Variants in EGFLAM observed in about 807,000 individuals in gnomAD.
EGFLAM encodes the protein EGF like, fibronectin type III and laminin G domains, also known as pikachurin.
Under a neutral mutation model 113.1 loss-of-function variants are expected in EGFLAM, and 79 were observed. That is an observed-to-expected ratio of 0.70 (90% confidence interval 0.58 to 0.84). EGFLAM has a LOEUF of 0.84. Ranked by LOEUF, EGFLAM falls within the 40% of genes least tolerant of loss-of-function variation. The pLI is 0.00. For synonymous variants in EGFLAM, 504 were observed against 487.6 expected (o/e 1.03, Z -0.44); for missense variants, 1,265 against 1,291.6 (o/e 0.98, Z 0.32).
At position 38,405,953 on chromosome 5, in the gene EGFLAM, C is replaced by CT. The variant is rs1741269786; in HGVS notation, c.713-166dup. The stretch of plus-strand genomic sequence containing the variant: ...TTCCTTAGTAACTTATGAGAGGAAA[C>CT]TTTTTTTATATCTTTTGGTCATTGA... On this transcript the variant is annotated intron_variant, in intron 6 of 21. Transcript: ENST00000322350. The CT allele has an allele frequency of 5.5e-5, 34 of 622,578 alleles. 3 individuals carry two copies. The South Asian group carries it at 6.2e-4, about 11-fold the overall frequency. The allele number at this position is 622,578 out of a possible 1,614,324, so 38.6% of individuals were successfully genotyped here.
intron 6 of EGFLAM, among the ~76,000 whole-genome samples, chr5:38,376,346 A>G (rs1368107110): frequency 1.3e-5 from 2 of 152,226 alleles, no homozygotes; most frequent in Non-Finnish European, 2.9e-5. Flanking sequence ...AAAATAAGTT[A>G]CATGTGTAAT....
At chr5:38,386,224 G>C (rs1298561778) in intron 6 of EGFLAM, among the ~76,000 whole-genome samples, 1 of 152,178 alleles carries the variant, frequency 6.6e-6, no homozygotes, top group Admixed American at 6.5e-5. Flanking sequence ...ATACTTTGTT[G>C]TTGTTGTTGT....
chr5:38,313,468 G>A (rs1738509098), intron 1 of EGFLAM, among the ~76,000 whole-genome samples: 1 of 152,084 alleles, frequency 6.6e-6, no homozygotes, highest in Admixed American at 6.5e-5. Context: ...AGATGAACAT[G>A]CTCGTGCATA....
chr5:38,367,861 G>C (rs1282637215), intron 5 of EGFLAM, among the ~76,000 whole-genome samples: 1 of 152,116 alleles, frequency 6.6e-6, no homozygotes, highest in Non-Finnish European at 1.5e-5. Context: ...AAATGTTAAA[G>C]GTTTTGAACA....
At chr5:38,418,045 G>A in intron 11 of EGFLAM, 21 bp from the exon 12 acceptor site, 1 of 1,602,096 alleles carries the variant, frequency 6.2e-7, no homozygotes, top group Non-Finnish European at 8.5e-7. Context: ...GAGTATTCAT[G>A]AGTGGTCATC....
chr5:38,292,643 T>G (rs1010914224), intron 1 of EGFLAM, among the ~76,000 whole-genome samples: 4 of 152,186 alleles, frequency 2.6e-5, no homozygotes, highest in Admixed American at 2.6e-4. Context: ...CCTGTACACA[T>G]AGAGGCAATT....
intron 6 of EGFLAM, chr5:38,403,988 C>T: frequency 6.2e-7 from 1 of 1,604,970 alleles, no homozygotes; most frequent in Non-Finnish European, 8.5e-7. Context: ...AGAACACCGC[C>T]TCCCCTTTGT....
intron 11 of EGFLAM, 62 bp from the exon 12 acceptor site, chr5:38,418,004 G>T: frequency 6.7e-7 from 1 of 1,497,376 alleles, no homozygotes; most frequent in Non-Finnish European, 9.1e-7. Context: ...TAAAAATCTG[G>T]TGTGTTTTGG....
chr5:38,326,365 G>A (rs1020208167), intron 1 of EGFLAM, among the ~76,000 whole-genome samples: 6 of 152,178 alleles, frequency 3.9e-5, no homozygotes, highest in African/African-American at 7.2e-5. Context: ...GCGAATGGCC[G>A]CCTGTTCTGT....
At chr5:38,375,594 A>C (rs574058404) in intron 6 of EGFLAM, among the ~76,000 whole-genome samples, 43 of 152,172 alleles carry the variant, frequency 2.8e-4, no homozygotes, top group Non-Finnish European at 5.4e-4. Context: ...AGCCCTACTA[A>C]CTGGGGAAGC....
At chr5:38,406,699 T>C in intron 7 of EGFLAM, 129 bp from the exon 8 acceptor site, 1 of 805,418 alleles carries the variant, frequency 1.2e-6, no homozygotes, top group Non-Finnish European at 2.0e-6. Context: ...CAGTGCTGTC[T>C]TCCCCATCTC....
intron 1 of EGFLAM, among the ~76,000 whole-genome samples, chr5:38,323,029 A>G (rs566992874): frequency 9.9e-5 from 15 of 152,228 alleles, no homozygotes; most frequent in Non-Finnish European, 2.1e-4. Context: ...TAGTTGGAAC[A>G]AGTTTCAAAC....
At chr5:38,377,756 G>T (rs1405179119) in intron 6 of EGFLAM, among the ~76,000 whole-genome samples, 2 of 152,174 alleles carry the variant, frequency 1.3e-5, no homozygotes, top group African/African-American at 4.8e-5. Context: ...AGGAAGGAAA[G>T]AAGGAAGGAA....
chr5:38,407,434 A>G (rs985482815), intron 8 of EGFLAM, among the ~76,000 whole-genome samples: 1 of 152,208 alleles, frequency 6.6e-6, no homozygotes, highest in Non-Finnish European at 1.5e-5. Context: ...TACTATAATC[A>G]CATCTCTACC....
intron 21 of EGFLAM, 92 bp from the exon 22 acceptor site, chr5:38,463,740 C>T (rs1398256666): frequency 1.3e-6 from 2 of 1,504,666 alleles, no homozygotes; most frequent in Admixed American, 1.7e-5. Context: ...CCTTGGCCAG[C>T]AGCCATTCAA....
intron 1 of EGFLAM, among the ~76,000 whole-genome samples, chr5:38,331,572 A>G (rs1381433130): frequency 6.6e-6 from 1 of 152,176 alleles, no homozygotes; most frequent in African/African-American, 2.4e-5. Context: ...GATTGAGACT[A>G]TGGATGAGGC....
intron 6 of EGFLAM, among the ~76,000 whole-genome samples, chr5:38,385,768 T>C (rs1287891349): frequency 6.6e-6 from 1 of 152,240 alleles, no homozygotes; most frequent in African/African-American, 2.4e-5. Flanking sequence ...AATTCACTAA[T>C]GGGCTTAAAA....
intron 11 of EGFLAM, among the ~76,000 whole-genome samples, chr5:38,417,666 A>G (rs1741695261): frequency 6.6e-6 from 1 of 152,160 alleles, no homozygotes; most frequent in African/African-American, 2.4e-5. Context: ...ATACAAAATT[A>G]GTATTATCAC....
intron 1 of EGFLAM, among the ~76,000 whole-genome samples, chr5:38,327,338 T>C (rs569708763): frequency 7.2e-4 from 110 of 152,304 alleles, no homozygotes; most frequent in African/African-American, 2.6e-3. Flanking sequence ...CTTTTGATCT[T>C]TGGATGTAAA....
Sources: gnomAD v4.1 joint callset for allele counts (sites outside exome capture counted in the v4.1 genomes callset) on GRCh38, gnomAD v4.1.1 for gene constraint, MANE v1.5 for transcripts, NCBI Gene and HGNC (gene_info 2026-07-23, HGNC 2026-07-21) for gene names.